SCMH1: variants seen among roughly 807,000 people sequenced by gnomAD.
SCMH1 encodes the protein Scm polycomb group protein homolog 1, also known as polycomb protein SCMH1.
A neutral mutation model predicts 70.8 loss-of-function variants in SCMH1; 37 were observed. The observed-to-expected ratio is 0.52, with a 90% CI of 0.40 to 0.69. SCMH1 has a LOEUF of 0.69. SCMH1 is among the 30% of genes least tolerant of loss of function. SCMH1 has a pLI of 0.00. For missense variants in SCMH1, 607 were observed against 827.3 expected (o/e 0.73, Z 3.27); for synonymous variants, 292 against 307.4 (o/e 0.95, Z 0.52).
At chr1:41,117,159 C>T in intron 6 of SCMH1, 149 bp from the exon 7 acceptor site, 1 of 449,354 alleles carries the variant, frequency 2.2e-6, no homozygotes, top group Non-Finnish European at 4.0e-6. Context: ...AATAGTTATA[C>T]TAGATATAGA....
chr1:41,074,305 A>G (rs766074644), intron 9 of SCMH1, among the ~76,000 whole-genome samples: 6 of 152,168 alleles, frequency 3.9e-5, no homozygotes, highest in African/African-American at 1.2e-4. Flanking sequence ...CTAAGGGCCA[A>G]TCTCTGTAGC....
intron 6 of SCMH1, among the ~76,000 whole-genome samples, chr1:41,131,774 A>G (rs753000187): frequency 6.6e-6 from 1 of 151,884 alleles, no homozygotes; most frequent in African/African-American, 2.4e-5. Context: ...TCATTGTTCA[A>G]CTCGCACTTA....
intron 6 of SCMH1, among the ~76,000 whole-genome samples, chr1:41,139,378 T>C (rs1643847959): frequency 6.6e-6 from 1 of 152,216 alleles, no homozygotes; most frequent in Non-Finnish European, 1.5e-5. Flanking sequence ...TTCAGATCTT[T>C]ATATCCCCAT....
intron 1 of SCMH1, among the ~76,000 whole-genome samples, chr1:41,186,574 T>C (rs541775454): frequency 9.1e-4 from 139 of 152,208 alleles, no homozygotes; most frequent in Non-Finnish European, 1.7e-3. Context: ...AACATGGTGT[T>C]ATGGGCTGAA....
At chr1:41,059,658 A>G (rs970631381) in intron 10 of SCMH1, among the ~76,000 whole-genome samples, 1 of 152,188 alleles carries the variant, frequency 6.6e-6, no homozygotes, top group African/African-American at 2.4e-5. Flanking sequence ...GCTGGTTTAC[A>G]CTTAAGCCAT....
chr1:41,032,923 G>A (rs1181797740), intron 13 of SCMH1, among the ~76,000 whole-genome samples: 1 of 150,578 alleles, frequency 6.6e-6, no homozygotes, highest in Non-Finnish European at 1.5e-5. Flanking sequence ...AGGTTGCAGT[G>A]AGCCGAGATT....
At chr1:41,031,141 C>T (rs1571137684) in intron 13 of SCMH1, among the ~76,000 whole-genome samples, 1 of 152,104 alleles carries the variant, frequency 6.6e-6, no homozygotes, top group African/African-American at 2.4e-5. Context: ...GTAAAAAAAT[C>T]AGCTGGGTGT....
chr1:41,159,379 T>C (rs1645831600), intron 4 of SCMH1, among the ~76,000 whole-genome samples: 1 of 152,212 alleles, frequency 6.6e-6, no homozygotes, highest in Admixed American at 6.5e-5. Flanking sequence ...ACAATTGTTA[T>C]TATCATTCAT....
chr1:41,227,358 G>T (rs1660469698), intron 1 of SCMH1, among the ~76,000 whole-genome samples: 1 of 152,096 alleles, frequency 6.6e-6, no homozygotes, highest in South Asian at 2.1e-4. Flanking sequence ...CTAAACAACT[G>T]CCCTTCCATA....
At chr1:41,225,393 T>C (rs1660065495) in intron 1 of SCMH1, among the ~76,000 whole-genome samples, 1 of 152,234 alleles carries the variant, frequency 6.6e-6, no homozygotes, top group Admixed American at 6.5e-5. Context: ...ATCTGAGATA[T>C]GTACAAATAT....
intron 10 of SCMH1, among the ~76,000 whole-genome samples, chr1:41,057,312 C>A (rs1388865428): frequency 6.6e-6 from 1 of 152,178 alleles, no homozygotes; most frequent in Non-Finnish European, 1.5e-5. Context: ...GTCGCCCAGG[C>A]CGGAGTGCAG....
intron 10 of SCMH1, among the ~76,000 whole-genome samples, chr1:41,055,965 T>C (rs1280686282): frequency 6.6e-6 from 1 of 152,108 alleles, no homozygotes; most frequent in Non-Finnish European, 1.5e-5. Flanking sequence ...GTGGAAAAAA[T>C]GTTAATAATC....
chr1:41,226,958 G>C (rs1660388489), intron 1 of SCMH1, among the ~76,000 whole-genome samples: 1 of 152,194 alleles, frequency 6.6e-6, no homozygotes, highest in South Asian at 2.1e-4. Context: ...AAAACCCTGA[G>C]GTGGGATGGG....
chr1:41,149,656 CTT>C (rs979168436), intron 5 of SCMH1, among the ~76,000 whole-genome samples: 7 of 152,142 alleles, frequency 4.6e-5, no homozygotes, highest in African/African-American at 1.7e-4. Context: ...GTTTGATCTT[CTT>C]GAGTTTTACC....
At chr1:41,175,989 T>C (rs992773165) in intron 2 of SCMH1, among the ~76,000 whole-genome samples, 57 of 151,806 alleles carry the variant, frequency 3.8e-4, no homozygotes, top group African/African-American at 1.3e-3. Flanking sequence ...ATTTATATAC[T>C]AGTTTTTAGT....
intron 1 of SCMH1, among the ~76,000 whole-genome samples, chr1:41,211,727 T>C (rs1657069791): frequency 6.6e-6 from 1 of 152,246 alleles, no homozygotes; most frequent in South Asian, 2.1e-4. Context: ...ATATGTTTAC[T>C]GTGGCACTAT....
chr1:41,155,159 T>A (rs1202438959), intron 4 of SCMH1, among the ~76,000 whole-genome samples: 1 of 152,154 alleles, frequency 6.6e-6, no homozygotes, highest in African/African-American at 2.4e-5. Flanking sequence ...CTCTGATGCA[T>A]ACCACGTGAT....
At chr1:41,145,627 C>T (rs1428651013) in intron 5 of SCMH1, among the ~76,000 whole-genome samples, 1 of 152,140 alleles carries the variant, frequency 6.6e-6, no homozygotes, top group African/African-American at 2.4e-5. Context: ...TGTGTTGAAT[C>T]TACAGATCAA....
At chr1:41,077,417 T>C (rs745730392) in intron 8 of SCMH1, among the ~76,000 whole-genome samples, 3 of 152,162 alleles carry the variant, frequency 2.0e-5, no homozygotes, top group Non-Finnish European at 4.4e-5. Context: ...CATTGGAACT[T>C]CAAAGCTAGA....
Sources: allele counts gnomAD v4.1 joint callset (sites outside exome capture counted in the v4.1 genomes callset), GRCh38; gene constraint gnomAD v4.1.1; transcripts MANE v1.5; gene names NCBI Gene and HGNC (gene_info 2026-07-23, HGNC 2026-07-21).